The following NEMP2 variants were observed in gnomAD, a reference collection of about 807,000 sequenced individuals.
NEMP2 encodes the protein UPF0571 transmembrane protein.
NEMP2 carries 53 observed loss-of-function variants against 54.2 expected under a neutral mutation model. The observed-to-expected ratio is 0.98, with a 90% CI of 0.78 to 1.23. NEMP2 has a LOEUF of 1.23. Ranked by LOEUF, NEMP2 falls within the 50% of genes most tolerant of loss-of-function variation. NEMP2 has a pLI of 0.00. For synonymous variants in NEMP2, 197 were observed against 190.3 expected (o/e 1.04, Z -0.29); for missense variants, 455 against 511.3 (o/e 0.89, Z 1.06).
chr2:190,621,227 T>C, the NEMP2 span, among the ~76,000 whole-genome samples: 11 of 152,362 alleles, frequency 7.2e-5, no homozygotes, highest in East Asian at 1.7e-3. Flanking sequence ...CAAACCTAGA[T>C]TGTATATAGC....
chr2:190,596,888 T>C, the NEMP2 span, among the ~76,000 whole-genome samples: 1 of 152,150 alleles, frequency 6.6e-6, no homozygotes. The surrounding 1 kb of genome is among the most constrained non-coding windows in gnomAD (Gnocchi z 5.1). Flanking sequence ...CCCATGAATA[T>C]ATATATTTGG....
chr2:190,623,006 T>C, the NEMP2 span, among the ~76,000 whole-genome samples: 23 of 152,092 alleles, frequency 1.5e-4, no homozygotes, highest in African/African-American at 5.5e-4. Flanking sequence ...AAAATCAACA[T>C]ACAAAAACCA....
At chr2:190,601,997 T>C in the NEMP2 span, among the ~76,000 whole-genome samples, 2 of 152,172 alleles carry the variant, frequency 1.3e-5, no homozygotes, top group East Asian at 3.8e-4. The surrounding 1 kb of genome is among the most constrained non-coding windows in gnomAD (Gnocchi z 5.8). Flanking sequence ...GTGATGGAAA[T>C]ACAACTCAAG....
At chr2:190,552,257 T>G in the NEMP2 span, among the ~76,000 whole-genome samples, 7 of 152,204 alleles carry the variant, frequency 4.6e-5, no homozygotes, top group Non-Finnish European at 1.0e-4. Context: ...TCAGGTCTTG[T>G]GGCTGTTTGG....
intron 2 of NEMP2, among the ~76,000 whole-genome samples, chr2:190,524,566 T>A (rs1690865269): frequency 6.6e-6 from 1 of 152,200 alleles, no homozygotes; most frequent in African/African-American, 2.4e-5. Flanking sequence ...CTCACTCCAC[T>A]GAAATCTTCC....
the NEMP2 span, among the ~76,000 whole-genome samples, chr2:190,484,003 A>T: frequency 2.6e-5 from 4 of 152,216 alleles, no homozygotes; most frequent in South Asian, 8.3e-4. Context: ...ATCCTGGGGG[A>T]TCCCAGTAAA....
the NEMP2 span, among the ~76,000 whole-genome samples, chr2:190,572,481 C>G: frequency 1.3e-5 from 2 of 152,014 alleles, no homozygotes; most frequent in Non-Finnish European, 2.9e-5. Context: ...TAACTAGATT[C>G]AAGGGAGGCT....
At chr2:190,576,777 A>G in the NEMP2 span, among the ~76,000 whole-genome samples, 2 of 152,298 alleles carry the variant, frequency 1.3e-5, no homozygotes, top group African/African-American at 4.8e-5. Flanking sequence ...GAGGCTGAAT[A>G]AGGATGTCCT....
At chr2:190,436,583 T>C in the NEMP2 span, 1 of 1,614,198 alleles carries the variant, frequency 6.2e-7, no homozygotes, top group South Asian at 1.1e-5. The surrounding 1 kb of genome is among the most constrained non-coding windows in gnomAD (Gnocchi z 5.3). Flanking sequence ...AATTCTTCCT[T>C]TACCTCTTTC....
the NEMP2 span, chr2:190,648,449 C>T: frequency 1.3e-5 from 2 of 151,982 alleles, no homozygotes; most frequent in African/African-American, 4.8e-5. Context: ...CAGGGGCGCA[C>T]CTGGACCACC....
In NEMP2 at chr2:190,516,328, T is replaced by G; in HGVS notation, c.669A>C (p.Val223=). The change falls in exon 6 of 9, where the codon GTA becomes GTC. Residue 223 remains valine (V), a synonymous_variant. Coordinates refer to ENST00000409150, the MANE Select transcript of NEMP2 (RefSeq NM_001142645.2). ...VGCWFASVYI[V]CQLMEDLKWL... ...ACTTCAGATCTTCCATCAACTGGCA[T>G]ACAATATAAACTGAGGCAAACCAAC... 1.3e-6 allele frequency: 2 copies of G among 1,551,678 alleles called. No homozygotes were observed. The highest frequency in any genetic ancestry group is 1.7e-6 in the Non-Finnish European group (2 of 1,146,946).
At chr2:190,611,130 C>T in the NEMP2 span, 1 of 152,190 alleles carries the variant, frequency 6.6e-6, no homozygotes, top group Admixed American at 6.5e-5. The surrounding 1 kb of genome is among the most constrained non-coding windows in gnomAD (Gnocchi z 5.4). Context: ...ACACAATTGA[C>T]AAGGATATCT....
the NEMP2 span, chr2:190,469,674 A>T: frequency 1.4e-6 from 1 of 732,238 alleles, no homozygotes; most frequent in Non-Finnish European, 1.9e-6. This position sits in a 1 kb window ranked among gnomAD's most constrained non-coding sequence, Gnocchi z 5.3. Context: ...CATGTTTTGT[A>T]CACATATTAG....
At chr2:190,549,627 C>T in the NEMP2 span, among the ~76,000 whole-genome samples, 1 of 151,388 alleles carries the variant, frequency 6.6e-6, no homozygotes, top group South Asian at 2.1e-4. Context: ...GCAATTATTA[C>T]TTTTTTTTTC....
chr2:190,538,185 G>C (rs1691440126), upstream of NEMP2, among the ~76,000 whole-genome samples: 1 of 151,172 alleles, frequency 6.6e-6, no homozygotes, highest in African/African-American at 2.4e-5. The surrounding 1 kb of genome is among the most constrained non-coding windows in gnomAD (Gnocchi z 4.1). Context: ...ATAAGATCCA[G>C]TTTTTTTTTA....
In NEMP2 at chr2:190,514,806, A is replaced by C. The variant is rs1180430821; in HGVS notation, c.728-128T>G. On this transcript the variant is annotated intron_variant, in intron 6 of 8. Coordinates refer to ENST00000409150, the MANE Select transcript of NEMP2 (RefSeq NM_001142645.2). The surrounding 1 kb of genome is among the most constrained non-coding windows in gnomAD (Gnocchi z 5.7). Reference sequence around the variant, plus strand: ...TTAATTTTTGTGTTTTTTACCCCATAAAGTAAGGTTGAAAAATGCACATAG... The same window carrying C: ...TTAATTTTTGTGTTTTTTACCCCATCAAGTAAGGTTGAAAAATGCACATAG... 39 of 844,340 alleles carry C rather than the reference A, an allele frequency of 4.6e-5. No homozygotes were observed. The highest frequency in any genetic ancestry group is 6.3e-5 in the Non-Finnish European group (34 of 543,192). The allele number at this position is 844,340 out of a possible 1,614,324, so 52.3% of individuals were successfully genotyped here. A position where few individuals can be genotyped will look rare whatever the true frequency, so the allele number is the denominator to read the frequency against.
the NEMP2 span, among the ~76,000 whole-genome samples, chr2:190,591,554 T>C: frequency 2.0e-5 from 3 of 152,184 alleles, no homozygotes; most frequent in African/African-American, 7.2e-5. The surrounding 1 kb of genome is among the most constrained non-coding windows in gnomAD (Gnocchi z 5.4). Context: ...AGAGCTGTTT[T>C]CTCATTTGTT....
the NEMP2 span, among the ~76,000 whole-genome samples, chr2:190,472,416 C>T: frequency 2.1e-3 from 322 of 152,208 alleles, 2 homozygotes; most frequent in Non-Finnish European, 1.7e-3. Context: ...CTGAAAACCA[C>T]GGCACGAGAA....
chr2:190,484,262 TTTG>T, the NEMP2 span, among the ~76,000 whole-genome samples: 1 of 152,212 alleles, frequency 6.6e-6, no homozygotes, highest in Non-Finnish European at 1.5e-5. Context: ...ATCTACCAAC[TTTG>T]TTATCTCATA....
Sources: gnomAD v4.1 joint callset for allele counts (sites outside exome capture counted in the v4.1 genomes callset) on GRCh38, gnomAD v4.1.1 for gene constraint, Gnocchi (gnomAD v3.1) non-coding constraint, MANE v1.5 for transcripts, NCBI Gene and HGNC (gene_info 2026-07-23, HGNC 2026-07-21) for gene names.